The following SNX14 variants were observed in gnomAD, a reference collection of about 807,000 sequenced individuals.
The protein encoded by SNX14 is sorting nexin 14.
Under a neutral mutation model 133.8 loss-of-function variants are expected in SNX14, and 93 were observed. The observed-to-expected ratio is 0.70, with a 90% confidence interval of 0.59 to 0.83. The LOEUF (loss-of-function observed/expected upper bound fraction) is 0.83. Among genes scored for constraint, SNX14 ranks in the 40% least tolerant of loss-of-function variants. The pLI is 0.00. For synonymous variants in SNX14, 368 were observed against 365.6 expected (o/e 1.01, Z -0.07); for missense variants, 945 against 1,094.9 (o/e 0.86, Z 1.93).
chr6:85,562,917 T>C (rs1421717123), intron 6 of SNX14, among the ~76,000 whole-genome samples: 1 of 152,106 alleles, frequency 6.6e-6, no homozygotes, highest in Non-Finnish European at 1.5e-5. Context: ...TTAATAAAGA[T>C]TACCAAACTG....
chr6:85,509,884 G>A (rs1265398811), intron 26 of SNX14, among the ~76,000 whole-genome samples: 1 of 152,060 alleles, frequency 6.6e-6, no homozygotes, highest in Admixed American at 6.6e-5. Flanking sequence ...GCAGATAGTT[G>A]AAAATATACA....
rs1011109527 is a variant in SNX14, at chr6:85,528,205, C to T, written c.1995+57G>A. ...AACATATACACAAGAGAAAAAGAGA[C>T]AAATTAGAGAATGCTATGATTAGCA... On this transcript the variant is annotated intron_variant, in intron 20 of 28. Transcript: ENST00000314673. The T allele has an allele frequency of 7.4e-6, 9 of 1,215,006 alleles. No individual in the cohort carries two copies. In the African/African-American group the frequency reaches 1.2e-4, roughly 16 times the overall value. The allele number at this position is 1,215,006 out of a possible 1,614,324, so 75.3% of individuals were successfully genotyped here. A position where few individuals can be genotyped will look rare whatever the true frequency, so the allele number is the denominator to read the frequency against.
chr6:85,526,195 C>A lies in SNX14; in HGVS notation c.2038G>T (p.Ala680Ser). The A allele has an allele frequency of 6.2e-7, 1 of 1,607,422 alleles. No homozygotes were observed. The highest frequency in any genetic ancestry group is 8.5e-7 in the Non-Finnish European group (1 of 1,177,000). ...CCACCATTAGGGGAAAGAAAGTCTG[C>A]CAGAAGTTGACTATTACTCAGTTCT... ...HPELSNSQLL[A>S]DFLSPNGGET... Residue 680 changes from alanine to serine, a missense_variant, in exon 21 of 29, where the codon GCA becomes TCA. Physicochemically the swap from Ala to Ser is moderately conservative, Grantham distance 99 (BLOSUM62 1). Around this residue, in one of 3 missense-constraint regions of SNX14, gnomAD observed 412 missense variants for 516.6 expected, o/e 0.80. Transcript: ENST00000314673.
At chr6:85,578,862 G>A (rs1487941315) in intron 1 of SNX14, among the ~76,000 whole-genome samples, 3 of 152,090 alleles carry the variant, frequency 2.0e-5, no homozygotes, top group Admixed American at 1.3e-4. Context: ...GTAGCCGGGC[G>A]CAGTGGGTCA....
intron 1 of SNX14, among the ~76,000 whole-genome samples, chr6:85,583,096 G>C (rs1466859917): frequency 6.6e-6 from 1 of 152,112 alleles, no homozygotes; most frequent in East Asian, 1.9e-4. Flanking sequence ...TGCAAGGCTG[G>C]TTCAACATAC....
intron 1 of SNX14, among the ~76,000 whole-genome samples, chr6:85,577,292 C>A (rs1287439687): frequency 6.6e-6 from 1 of 152,012 alleles, no homozygotes; most frequent in East Asian, 1.9e-4. Flanking sequence ...GTGGCGCATG[C>A]CTGTAATCCC....
At chr6:85,563,543 C>A (rs1273373262) in intron 6 of SNX14, among the ~76,000 whole-genome samples, 3 of 152,078 alleles carry the variant, frequency 2.0e-5, no homozygotes, top group Admixed American at 1.3e-4. Context: ...AGATGCCCGC[C>A]CCCATGCCTG....
chr6:85,538,671 G>A (rs1032168346), intron 16 of SNX14, among the ~76,000 whole-genome samples, 167 bp downstream of exon 16: 1 of 152,114 alleles, frequency 6.6e-6, no homozygotes, highest in African/African-American at 2.4e-5. Context: ...GAGGTATGTA[G>A]AATAAAAGTA....
chr6:85,592,348 C>A (rs561104439), intron 1 of SNX14, among the ~76,000 whole-genome samples: 17 of 152,210 alleles, frequency 1.1e-4, no homozygotes, highest in Non-Finnish European at 2.4e-4. Flanking sequence ...AAATTCCTTG[C>A]GCATTCCTCC....
chr6:85,564,450 TA>T (rs1388372919), intron 6 of SNX14, among the ~76,000 whole-genome samples: 19 of 152,340 alleles, frequency 1.2e-4, no homozygotes, highest in African/African-American at 4.3e-4. Flanking sequence ...CCTGACTTTT[TA>T]ATAATTGCCA....
chr6:85,507,708 C>T (rs1771211906), intron 27 of SNX14, among the ~76,000 whole-genome samples: 1 of 152,004 alleles, frequency 6.6e-6, no homozygotes, highest in Non-Finnish European at 1.5e-5. Context: ...TAATTTTTTA[C>T]TGTATTTCAT....
intron 18 of SNX14, among the ~76,000 whole-genome samples, chr6:85,531,649 T>C (rs1427178744): frequency 6.6e-6 from 1 of 152,206 alleles, no homozygotes; most frequent in Admixed American, 6.5e-5. Context: ...ATACTTTTTT[T>C]CTCCCTCATA....
intron 7 of SNX14, among the ~76,000 whole-genome samples, chr6:85,555,627 A>G (rs921065495): frequency 1.4e-4 from 22 of 152,222 alleles, no homozygotes; most frequent in Non-Finnish European, 2.5e-4. Context: ...ACTATTCAGT[A>G]TGCTACTGTA....
Position 85,518,442 on chromosome 6 carries a change from G to A in SNX14, c.2108-394C>T, listed in dbSNP as rs115492000. 4.3e-3 allele frequency among the ~76,000 whole-genome samples: 655 copies of A among 152,164 alleles called. 7 individuals carry two copies. The highest frequency in any genetic ancestry group is 0.015 in the African/African-American group (623 of 41,544). On this transcript the variant is annotated intron_variant, in intron 21 of 28. Coordinates refer to ENST00000314673, the MANE Select transcript of SNX14 (RefSeq NM_153816.6). ...GGTATCTAAAGATATGCAAAGGTCA[G>A]TCAAAAAAAAGTTTTAAGAACTGCC...
At chr6:85,585,520 T>A (rs1332145958) in intron 1 of SNX14, among the ~76,000 whole-genome samples, 1 of 151,856 alleles carries the variant, frequency 6.6e-6, no homozygotes, top group Non-Finnish European at 1.5e-5. Flanking sequence ...ATCAACAAAA[T>A]AGACAACAAT....
In SNX14 at chr6:85,506,005, C is replaced by T. The variant is rs1434543155; in HGVS notation, c.2803G>A (p.Val935Ile). 1.3e-6 allele frequency: 2 copies of T among 1,585,588 alleles called. No individual in the cohort carries two copies. Among genetic ancestry groups the T allele is most frequent in the Non-Finnish European group, 1.7e-6 (2 of 1,154,896 alleles). Residue 935 changes from valine (V) to isoleucine (I), a missense_variant and splice_region_variant, in exon 29 of 29, where the codon GTA becomes ATA. Transcript: ENST00000314673. ...IQELFPELNK[V>I]QKEVTSVTSW... ...GTCACAGAGGTAACTTCCTTTTGTA[C>T]CTAAAGTAAAAATAAATCCATTTAA...
chr6:85,589,057 A>T (rs1801960872), intron 1 of SNX14: 1 of 360,010 alleles, frequency 2.8e-6, no homozygotes, highest in South Asian at 2.1e-5. Flanking sequence ...TTGCCGTTTC[A>T]TTTCTCTAAA....
chr6:85,534,468 C>A (rs1312485171), intron 17 of SNX14, among the ~76,000 whole-genome samples: 3 of 152,200 alleles, frequency 2.0e-5, no homozygotes, highest in African/African-American at 7.2e-5. Context: ...TCTTAGTCTG[C>A]GTTAGCACCT....
chr6:85,536,687 G>A (rs897062820), intron 17 of SNX14, 105 bp downstream of exon 17: 5 of 1,081,716 alleles, frequency 4.6e-6, no homozygotes, highest in Non-Finnish European at 6.5e-6. Flanking sequence ...GTATTAAACA[G>A]AATACACAGA....
Sources: gnomAD v4.1 joint callset for allele counts (sites outside exome capture counted in the v4.1 genomes callset) on GRCh38, gnomAD v4.1.1 for gene constraint, gnomAD v4.1.1 regional missense constraint, MANE v1.5 for transcripts, NCBI Gene and HGNC (gene_info 2026-07-23, HGNC 2026-07-21) for gene names.